Variants in DMXL1 observed in about 807,000 individuals in gnomAD.
DMXL1 encodes Dmx like 1.
Under a neutral mutation model 319.2 loss-of-function variants are expected in DMXL1, and 99 were observed. The ratio of observed to expected loss-of-function variants is 0.31; its 90% CI spans 0.26 to 0.37. The LOEUF (loss-of-function observed/expected upper bound fraction) is 0.37. Ranked by LOEUF, DMXL1 falls within the 10% of genes least tolerant of loss-of-function variation. The pLI, the probability that DMXL1 is intolerant of heterozygous loss-of-function variation, is 1.00. For synonymous variants in DMXL1, 1,385 were observed against 1,235.2 expected (o/e 1.12, Z -2.54); for missense variants, 3,745 against 3,595.6 (o/e 1.04, Z -1.06).
chr5:119,208,964 A>C (rs937210169), intron 34 of DMXL1, among the ~76,000 whole-genome samples: 5 of 152,188 alleles, frequency 3.3e-5, no homozygotes, highest in Admixed American at 2.6e-4. Flanking sequence ...CATATAATAC[A>C]TCATTTTTGG....
In DMXL1 at chr5:119,150,230, C is replaced by T; in HGVS notation, c.4403C>T (p.Pro1468Leu). The T allele has an allele frequency of 6.2e-7, 1 of 1,613,762 alleles. No homozygotes were observed. The highest frequency in any genetic ancestry group is 8.5e-7 in the Non-Finnish European group (1 of 1,179,832). The change falls in exon 18 of 44, where the codon CCT becomes CTT. Residue 1468 changes from proline (P) to leucine (L), a missense_variant. Pro to Leu is a moderately conservative substitution (Grantham distance 98, BLOSUM62 -3). This residue lies in a region of DMXL1 where 2,096 missense variants were observed against 1,985.4 expected (regional missense o/e 1.06). Transcript: ENST00000539542. ...MLETDEENTK[P>L]RVIDLSQYSP... Reference sequence around the variant, plus strand: ...GAGACAGATGAAGAAAATACAAAGCCTAGAGTTATTGACCTTTCACAGTAC... The same window carrying T: ...GAGACAGATGAAGAAAATACAAAGCTTAGAGTTATTGACCTTTCACAGTAC...
chr5:119,080,860 A>G (rs1580572163), intron 1 of DMXL1, among the ~76,000 whole-genome samples: 1 of 152,272 alleles, frequency 6.6e-6, no homozygotes, highest in East Asian at 1.9e-4. Context: ...ACACAGTAAG[A>G]AACGCTTTCT....
intron 13 of DMXL1, among the ~76,000 whole-genome samples, chr5:119,142,063 A>C (rs1212180587): frequency 6.6e-6 from 1 of 152,210 alleles, no homozygotes; most frequent in Non-Finnish European, 1.5e-5. Context: ...AGCCATATGT[A>C]GAAAATTGAA....
chr5:119,159,499 A>G (rs181971332), intron 19 of DMXL1, among the ~76,000 whole-genome samples: 3 of 152,354 alleles, frequency 2.0e-5, no homozygotes, highest in African/African-American at 4.8e-5. Flanking sequence ...GTCTGTGTCT[A>G]GGAAGTTATC....
intron 33 of DMXL1, among the ~76,000 whole-genome samples, chr5:119,204,749 G>A (rs1363923049): frequency 2.0e-5 from 3 of 152,020 alleles, no homozygotes; most frequent in Admixed American, 6.6e-5. Flanking sequence ...ACTGACATTT[G>A]GTATGTGAAC....
At chr5:119,077,884 TATAC>T (rs1268766592) in intron 1 of DMXL1, among the ~76,000 whole-genome samples, 2 of 110,046 alleles carry the variant, frequency 1.8e-5, no homozygotes, top group Non-Finnish European at 4.0e-5. Context: ...TGTAGATATA[TATAC>T]ACACACACAC....
chr5:119,176,611 C>T (rs1581168208), intron 26 of DMXL1, among the ~76,000 whole-genome samples: 1 of 151,874 alleles, frequency 6.6e-6, no homozygotes, highest in Non-Finnish European at 1.5e-5. Flanking sequence ...ATGTTATAAC[C>T]AATGAGATTT....
rs536717955 is a variant in DMXL1 at position 119,115,384 on chromosome 5, A to G, written c.565-774A>G. On this transcript the variant is annotated intron_variant, in intron 6 of 43. Coordinates refer to ENST00000539542, the MANE Select transcript of DMXL1 (RefSeq NM_001290321.3). ...AGTGTGTATACTTTATTACCTGTCT[A>G]TTTTAAAGCAATGTATTTCTTTGAA... Among the ~76,000 whole-genome samples, 5 of 152,286 alleles carry G rather than the reference A, an allele frequency of 3.3e-5. No individual in the cohort carries two copies. The East Asian group carries it at 9.6e-4, about 29-fold the overall frequency.
chr5:119,078,902 C>T (rs2149680995), intron 1 of DMXL1, among the ~76,000 whole-genome samples: 2 of 152,314 alleles, frequency 1.3e-5, no homozygotes, highest in South Asian at 4.1e-4. Context: ...TATAATTTAG[C>T]ATGAGTTAAT....
chr5:119,144,554 C>G lies in DMXL1; in HGVS notation c.2485C>G (p.Leu829Val), dbSNP rs993055739. The change falls in exon 15 of 44, where the codon CTG (leucine) becomes GTG (valine). Residue 829 changes from leucine (L) to valine (V), a missense_variant. This residue lies in a region of DMXL1 where 2,096 missense variants were observed against 1,985.4 expected (regional missense o/e 1.06). Coordinates refer to ENST00000539542, the MANE Select transcript of DMXL1 (RefSeq NM_001290321.3). ...ITKLHGRKTQLLHVFEEDFIL... is the reference protein window; with the variant it reads ...ITKLHGRKTQVLHVFEEDFIL... ...TATTCAGCATGGCAGAAAAACCCAA[C>G]TGCTTCATGTTTTTGAAGAAGACTT... 6.2e-7 allele frequency: 1 copy of G among 1,601,578 alleles called. No individual in the cohort carries two copies. Among genetic ancestry groups the G allele is most frequent in the Non-Finnish European group, 8.5e-7 (1 of 1,175,916 alleles).
At chr5:119,079,214 G>C (rs1021657357) in intron 1 of DMXL1, among the ~76,000 whole-genome samples, 1 of 152,080 alleles carries the variant, frequency 6.6e-6, no homozygotes, top group Non-Finnish European at 1.5e-5. Context: ...TTGCCACCTG[G>C]AATCATTCAG....
At chr5:119,144,266 T>C (rs1280182216) in intron 14 of DMXL1, among the ~76,000 whole-genome samples, 1 of 151,778 alleles carries the variant, frequency 6.6e-6, no homozygotes, top group African/African-American at 2.4e-5. Flanking sequence ...AAAAGAAAAC[T>C]AGGTTCCAAT....
chr5:119,205,591 TTTAAC>T (rs1285141213), intron 33 of DMXL1, among the ~76,000 whole-genome samples: 1 of 152,084 alleles, frequency 6.6e-6, no homozygotes, highest in Non-Finnish European at 1.5e-5. Context: ...GATAAATAGA[TTTAAC>T]TTATTTAAAC....
At chr5:119,174,123 A>G (rs1365102701) in intron 25 of DMXL1, among the ~76,000 whole-genome samples, 1 of 152,076 alleles carries the variant, frequency 6.6e-6, no homozygotes, top group African/African-American at 2.4e-5. Flanking sequence ...ATTACAGAGC[A>G]CAATCTGCTT....
In DMXL1 at chr5:119,118,964, G is replaced by T; in HGVS notation, c.893G>T (p.Arg298Ile). ...ATTAATTTAACAAATAACTTCAAGAGAAATGCTTCCAGTAAAGAACGAGTT... is the reference window on the plus strand; with the variant it reads ...ATTAATTTAACAAATAACTTCAAGATAAATGCTTCCAGTAAAGAACGAGTT... ...ESINLTNNFK[R>I]NASSKERVQN... Residue 298 changes from arginine to isoleucine, a missense_variant, in exon 8 of 44, where the codon AGA becomes ATA. This residue lies in a region of DMXL1 where 2,096 missense variants were observed against 1,985.4 expected (regional missense o/e 1.06). Transcript: ENST00000539542. The T allele has an allele frequency of 6.2e-7, 1 of 1,613,348 alleles. No individual in the cohort carries two copies. Among genetic ancestry groups the T allele is most frequent in the Non-Finnish European group, 8.5e-7 (1 of 1,179,774 alleles).
chr5:119,076,166 T>A (rs145163107), intron 1 of DMXL1, among the ~76,000 whole-genome samples: 2 of 152,166 alleles, frequency 1.3e-5, no homozygotes, highest in African/African-American at 4.8e-5. Flanking sequence ...AAATATGTTA[T>A]AGCTCCAATT....
chr5:119,118,956 C>G lies in DMXL1; in HGVS notation c.885C>G (p.Asn295Lys). ...CTGAATCAATTAATTTAACAAATAA[C>G]TTCAAGAGAAATGCTTCCAGTAAAG... ...HWTESINLTNNFKRNASSKER... is the reference protein window; with the variant it reads ...HWTESINLTNKFKRNASSKER... Residue 295 changes from asparagine (N) to lysine (K), a missense_variant, in exon 8 of 44, where the codon AAC becomes AAG. Physicochemically the swap from Asn to Lys is moderately conservative, Grantham distance 94 (BLOSUM62 0). This residue lies in a region of DMXL1 where 2,096 missense variants were observed against 1,985.4 expected (regional missense o/e 1.06). Transcript: ENST00000539542. 1 of 1,613,434 alleles carries G rather than the reference C, an allele frequency of 6.2e-7. No individual in the cohort carries two copies. Among genetic ancestry groups the G allele is most frequent in the Non-Finnish European group, 8.5e-7 (1 of 1,179,842 alleles).
chr5:119,073,007 C>CT (rs1340842315), intron 1 of DMXL1, among the ~76,000 whole-genome samples: 46 of 152,304 alleles, frequency 3.0e-4, no homozygotes, highest in African/African-American at 1.0e-3. Flanking sequence ...GTTGCATTCT[C>CT]TGTCATTTCC....
intron 1 of DMXL1, among the ~76,000 whole-genome samples, chr5:119,089,277 C>T (rs865897323): frequency 0.047 from 1,473 of 31,626 alleles, 123 homozygotes; most frequent in African/African-American, 0.15. Flanking sequence ...TATATATATA[C>T]ATATATATAT....
Sources: allele counts gnomAD v4.1 joint callset (sites outside exome capture counted in the v4.1 genomes callset), GRCh38; gene constraint gnomAD v4.1.1; regional missense constraint gnomAD v4.1.1; transcripts MANE v1.5; gene names NCBI Gene and HGNC (gene_info 2026-07-23, HGNC 2026-07-21).